MC2R: variants seen among roughly 807,000 people sequenced by gnomAD.
MC2R encodes adrenocorticotropic hormone receptor.
A neutral mutation model predicts 9.8 loss-of-function variants in MC2R; 9 were observed. That is an observed-to-expected ratio of 0.92 (90% CI 0.55 to 1.60). MC2R has a LOEUF of 1.60. MC2R is among the 40% of genes most tolerant of loss of function. The probability of loss-of-function intolerance (pLI) is 0.00; values close to 1 mark genes in which losing one functional copy is unlikely to be tolerated. For synonymous variants in MC2R, 185 were observed against 154.7 expected (o/e 1.20, Z -1.45); for missense variants, 370 against 389.0 (o/e 0.95, Z 0.41).
intron 1 of MC2R, among the ~76,000 whole-genome samples, chr18:13,899,642 T>G (rs976824192): frequency 6.6e-6 from 1 of 152,056 alleles, no homozygotes; most frequent in Non-Finnish European, 1.5e-5. Context: ...CAGTGGAGTT[T>G]CAATACACCT....
chr18:13,905,476 C>A (rs2045408043), intron 1 of MC2R, among the ~76,000 whole-genome samples: 1 of 132,960 alleles, frequency 7.5e-6, no homozygotes, highest in African/African-American at 3.0e-5. Flanking sequence ...CAGAGCGAGA[C>A]TCCCTCTAAA....
chr18:13,914,311 C>T (rs2045463753), intron 1 of MC2R, among the ~76,000 whole-genome samples: 1 of 152,204 alleles, frequency 6.6e-6, no homozygotes, highest in Non-Finnish European at 1.5e-5. Flanking sequence ...TGTGTCCTGT[C>T]TGGGAGCTAG....
chr18:13,895,618 A>G (rs1251767623), intron 1 of MC2R, among the ~76,000 whole-genome samples: 1 of 152,200 alleles, frequency 6.6e-6, no homozygotes, highest in Non-Finnish European at 1.5e-5. Context: ...GAAAAAGAAA[A>G]AAAAGCTCAA....
chr18:13,896,522 A>T (rs541472496), intron 1 of MC2R, among the ~76,000 whole-genome samples: 1 of 152,376 alleles, frequency 6.6e-6, no homozygotes, highest in Admixed American at 6.5e-5. Context: ...AAATTGAAGA[A>T]AAGAAGATAA....
Position 13,885,473 on chromosome 18 carries a change from T to A in MC2R, c.46A>T (p.Arg16Ter). The change falls in exon 2 of 2, where the codon AGA becomes TGA. Residue 16 changes from arginine to a stop codon, truncating the protein, a stop_gained. Coordinates refer to ENST00000327606, the MANE Select transcript of MC2R (RefSeq NM_000529.2). LOFTEE classifies it high-confidence loss of function. ...ACACGAGGACAGTCGGAATTATTTC[T>A]TGCTGTGTTGTTGATGTTTTCATAC... ...NSYENINNTARNNSDCPRVVL... is the reference protein window; with the variant it reads ...NSYENINNTA The A allele has an allele frequency of 6.2e-7, 1 of 1,614,206 alleles. No homozygotes were observed. Among genetic ancestry groups the A allele is most frequent in the Non-Finnish European group, 8.5e-7 (1 of 1,180,034 alleles).
intron 1 of MC2R, among the ~76,000 whole-genome samples, chr18:13,904,781 A>G (rs939393492): frequency 2.6e-5 from 4 of 152,180 alleles, no homozygotes; most frequent in Non-Finnish European, 5.9e-5. Context: ...AACCCGACAA[A>G]AACAAGCAAG....
At chr18:13,898,211 C>A (rs573314280) in intron 1 of MC2R, among the ~76,000 whole-genome samples, 24 of 152,284 alleles carry the variant, frequency 1.6e-4, no homozygotes, top group African/African-American at 5.8e-4. Context: ...CGCTTGCAAA[C>A]AAGGAAACAT....
In MC2R at chr18:13,882,774, T is replaced by C. The variant is rs1418319970; in HGVS notation, c.*1851A>G. 1 of 152,282 alleles carries C rather than the reference T, an allele frequency of 6.6e-6. No individual in the cohort carries two copies. Among genetic ancestry groups the C allele is most frequent in the African/African-American group, 2.4e-5 (1 of 41,478 alleles). 9.4% of individuals were successfully genotyped at this position (152,282 alleles called of 1,614,324 possible). Reference sequence around the variant, plus strand: ...ATGTTATACATTACTTTTTCAATGGTAGAAATAACACTTTTAAAAATTAGT... The same window carrying C: ...ATGTTATACATTACTTTTTCAATGGCAGAAATAACACTTTTAAAAATTAGT... On this transcript the variant is annotated 3_prime_UTR_variant, in exon 2 of 2. Coordinates refer to ENST00000327606, the MANE Select transcript of MC2R (RefSeq NM_000529.2).
At chr18:13,895,205 T>C (rs1262455725) in intron 1 of MC2R, among the ~76,000 whole-genome samples, 1 of 152,218 alleles carries the variant, frequency 6.6e-6, no homozygotes, top group African/African-American at 2.4e-5. Context: ...GGGGGAGATA[T>C]AAAGCATACA....
intron 1 of MC2R, among the ~76,000 whole-genome samples, chr18:13,904,403 A>G (rs2045399677): frequency 6.8e-6 from 1 of 147,604 alleles, no homozygotes; most frequent in African/African-American, 2.6e-5. Flanking sequence ...AAAAAAAGTC[A>G]TAATAAAGGC....
Position 13,908,105 on chromosome 18 carries a change from G to A in MC2R, c.-129+7383C>T, listed in dbSNP as rs116489494. Reference sequence around the variant, plus strand: ...CCATGTTTATTGCAGCATTATTCACGAAAGCCAAAATATGGACTCGACCTA... The same window carrying A: ...CCATGTTTATTGCAGCATTATTCACAAAAGCCAAAATATGGACTCGACCTA... On this transcript the variant is annotated intron_variant, in intron 1 of 1. Transcript: ENST00000327606. 6.1e-3 allele frequency among the ~76,000 whole-genome samples: 933 copies of A among 152,242 alleles called. 11 individuals are homozygous for A. Among genetic ancestry groups the A allele is most frequent in the African/African-American group, 0.022 (894 of 41,550 alleles).
chr18:13,906,816 AC>A (rs1211892317), intron 1 of MC2R, among the ~76,000 whole-genome samples: 1 of 152,220 alleles, frequency 6.6e-6, no homozygotes, highest in Admixed American at 6.5e-5. Flanking sequence ...TTTGAAATCA[AC>A]CAAAGAAGTG....
intron 1 of MC2R, among the ~76,000 whole-genome samples, chr18:13,908,154 A>G (rs2045424105): frequency 6.6e-6 from 1 of 152,248 alleles, no homozygotes; most frequent in South Asian, 2.1e-4. Flanking sequence ...GAATGAATGA[A>G]TAAAATGTGG....
intron 1 of MC2R, among the ~76,000 whole-genome samples, chr18:13,899,989 A>G (rs1333231086): frequency 1.3e-5 from 2 of 152,188 alleles, no homozygotes; most frequent in Non-Finnish European, 2.9e-5. Context: ...GTGCTGTATG[A>G]ACTACTCTTA....
chr18:13,886,768 G>T (rs978201212), intron 1 of MC2R, among the ~76,000 whole-genome samples: 1 of 152,170 alleles, frequency 6.6e-6, no homozygotes, highest in Non-Finnish European at 1.5e-5. Flanking sequence ...CCAGCACCAC[G>T]TGGCGAGGAA....
At chr18:13,908,127 C>T (rs1211490145) in intron 1 of MC2R, among the ~76,000 whole-genome samples, 1 of 152,100 alleles carries the variant, frequency 6.6e-6, no homozygotes, top group East Asian at 1.9e-4. Context: ...ATGGACTCGA[C>T]CTAAGTGTCC....
chr18:13,913,973 A>C (rs778182901), intron 1 of MC2R, among the ~76,000 whole-genome samples: 1 of 152,236 alleles, frequency 6.6e-6, no homozygotes, highest in Non-Finnish European at 1.5e-5. Flanking sequence ...TGGCTTACAC[A>C]GACAAGAAAG....
intron 1 of MC2R, among the ~76,000 whole-genome samples, chr18:13,899,600 G>A (rs942224828): frequency 6.6e-6 from 1 of 152,132 alleles, no homozygotes; most frequent in Non-Finnish European, 1.5e-5. Context: ...GATAAAGAGA[G>A]GATCCTAAAA....
intron 1 of MC2R, among the ~76,000 whole-genome samples, chr18:13,905,498 CT>C (rs2045408493): frequency 6.6e-6 from 1 of 150,808 alleles, no homozygotes; most frequent in South Asian, 2.1e-4. Flanking sequence ...AAAAAAAAAG[CT>C]CAAGATCACT....
Sources: allele counts gnomAD v4.1 joint callset (sites outside exome capture counted in the v4.1 genomes callset), GRCh38; gene constraint gnomAD v4.1.1; transcripts MANE v1.5; gene names NCBI Gene and HGNC (gene_info 2026-07-23, HGNC 2026-07-21).